Variants in HECW1 observed in about 807,000 individuals in gnomAD.
HECW1 encodes the protein E3 ubiquitin-protein ligase HECW1.
In HECW1, 61 loss-of-function variants were observed where a neutral mutation model predicts 182.3. That is an observed-to-expected ratio of 0.33 (90% CI 0.27 to 0.41). The LOEUF is 0.41. Ranked by LOEUF, HECW1 falls within the 10% of genes least tolerant of loss-of-function variation. The pLI, the probability that HECW1 is intolerant of heterozygous loss-of-function variation, is 1.00. For missense variants in HECW1, 1,739 were observed against 2,108.9 expected, an observed-to-expected ratio of 0.82 and a Z score of 3.44; for synonymous variants, 859 against 832.6, an observed-to-expected ratio of 1.03 and a Z score of -0.55.
intron 2 of HECW1, chr7:43,148,967 A>G (rs1789005155): frequency 6.6e-6 from 1 of 152,096 alleles, no homozygotes; most frequent in Non-Finnish European, 1.5e-5. Flanking sequence ...AAATGTAGGG[A>G]CAGTTCTTCC....
chr7:43,177,494 C>G lies in HECW1; in HGVS notation c.-32+63103C>G, dbSNP rs1057417937. Among the ~76,000 whole-genome samples, 4 of 152,164 alleles carry G rather than the reference C, an allele frequency of 2.6e-5. No individual in the cohort carries two copies. In the East Asian group the frequency reaches 7.7e-4, roughly 29 times the overall value. On this transcript the variant is annotated intron_variant, in intron 2 of 29. Transcript: ENST00000395891. The stretch of plus-strand genomic sequence containing the variant: ...GTGTATTCCCCACAGTCATCTTTCC[C>G]GTGCTGTCTTCCAGCCAGGGTTTGA...
rs537140172 is a variant in HECW1 at position 43,274,707 on chromosome 7, G to A, written c.27+30775G>A. 17 of 254,004 alleles carry A rather than the reference G, an allele frequency of 6.7e-5. No individual in the cohort carries two copies. The East Asian group carries it at 1.5e-3, about 22-fold the overall frequency. 15.7% of individuals were successfully genotyped at this position (254,004 alleles called of 1,614,324 possible). A position where few individuals can be genotyped will look rare whatever the true frequency, so the allele number is the denominator to read the frequency against. ...AAAATCCTATTACAAAAATAGACAC[G>A]AACTATCTCTCCATTTATTGTTTTT... On this transcript the variant is annotated intron_variant, in intron 3 of 29. Transcript: ENST00000395891.
intron 2 of HECW1, among the ~76,000 whole-genome samples, chr7:43,115,772 A>G (rs1283418552): frequency 6.6e-6 from 1 of 152,206 alleles, no homozygotes; most frequent in African/African-American, 2.4e-5. Context: ...ATATCCTGAA[A>G]TTACAGTCCC....
chr7:43,449,744 G>C (rs186285252), intron 11 of HECW1, among the ~76,000 whole-genome samples: 11 of 152,248 alleles, frequency 7.2e-5, no homozygotes, highest in South Asian at 2.1e-4. Flanking sequence ...GCCCTTAAAG[G>C]CTTTTGCAAG....
chr7:43,548,585 A>G (rs2081662125), intron 26 of HECW1, among the ~76,000 whole-genome samples: 1 of 152,224 alleles, frequency 6.6e-6, no homozygotes, highest in Non-Finnish European at 1.5e-5. Flanking sequence ...AGATTCAGCT[A>G]CTAGTGAAGA....
At chr7:43,465,093 C>T (rs955198103) in intron 14 of HECW1, among the ~76,000 whole-genome samples, 1 of 152,206 alleles carries the variant, frequency 6.6e-6, no homozygotes, top group Non-Finnish European at 1.5e-5. Context: ...CGAGACATCA[C>T]ACCTGGCCTG....
intron 8 of HECW1, among the ~76,000 whole-genome samples, chr7:43,419,845 A>G (rs1414155105): frequency 6.6e-6 from 1 of 152,224 alleles, no homozygotes; most frequent in Non-Finnish European, 1.5e-5. Context: ...GAGTACGCCG[A>G]ACAAAGGAGA....
At position 43,556,809 on chromosome 7, in the gene HECW1, A is replaced by G. The variant is rs187889529; in HGVS notation, c.4709+2019A>G. On this transcript the variant is annotated intron_variant, in intron 29 of 29. Coordinates refer to ENST00000395891, the MANE Select transcript of HECW1 (RefSeq NM_015052.5). Reference sequence around the variant, plus strand: ...GGGTCACAGATTGAATGTAATTTCCATATTTGCTTTGGAAGCTTTGAAATA... The same window carrying G: ...GGGTCACAGATTGAATGTAATTTCCGTATTTGCTTTGGAAGCTTTGAAATA... Among the ~76,000 whole-genome samples, 36 of 152,312 alleles carry G rather than the reference A, an allele frequency of 2.4e-4. No individual in the cohort carries two copies. The East Asian group carries it at 5.4e-3, about 23-fold the overall frequency.
chr7:43,326,695 A>G (rs1001449886), intron 5 of HECW1, among the ~76,000 whole-genome samples: 1 of 152,204 alleles, frequency 6.6e-6, no homozygotes, highest in African/African-American at 2.4e-5. Context: ...AAATGAACAT[A>G]TTGGTGTCTT....
chr7:43,478,640 T>C (rs2078306115), intron 16 of HECW1, among the ~76,000 whole-genome samples: 1 of 151,984 alleles, frequency 6.6e-6, no homozygotes, highest in Non-Finnish European at 1.5e-5. Flanking sequence ...GTGAAGAAAA[T>C]ATGTATATAT....
intron 2 of HECW1, among the ~76,000 whole-genome samples, chr7:43,123,391 G>A (rs770004633): frequency 6.6e-6 from 1 of 152,146 alleles, no homozygotes; most frequent in Non-Finnish European, 1.5e-5. Flanking sequence ...GTCCCTTAGG[G>A]CCAAGGCACT....
intron 3 of HECW1, among the ~76,000 whole-genome samples, chr7:43,265,671 A>C (rs1457034907): frequency 2.6e-5 from 4 of 152,188 alleles, no homozygotes; most frequent in Non-Finnish European, 5.9e-5. Flanking sequence ...CCAACAATTC[A>C]AATCAATTCT....
At chr7:43,297,199 C>T (rs1407188940) in intron 3 of HECW1, among the ~76,000 whole-genome samples, 1 of 152,182 alleles carries the variant, frequency 6.6e-6, no homozygotes, top group Non-Finnish European at 1.5e-5. Flanking sequence ...GCTTTACAAA[C>T]AATAGATATT....
intron 2 of HECW1, among the ~76,000 whole-genome samples, chr7:43,164,834 G>A (rs576709274): frequency 3.9e-5 from 6 of 152,326 alleles, no homozygotes; most frequent in African/African-American, 4.8e-5. Context: ...ATGCAGCCGC[G>A]CTTCCATGGT....
At chr7:43,495,652 T>C (rs1417799131) in intron 19 of HECW1, among the ~76,000 whole-genome samples, 1 of 152,188 alleles carries the variant, frequency 6.6e-6, no homozygotes, top group Admixed American at 6.5e-5. Context: ...ACAAGTGATC[T>C]TTAGCGTGAT....
At chr7:43,494,560 A>T (rs183463825) in intron 19 of HECW1, among the ~76,000 whole-genome samples, 258 of 150,508 alleles carry the variant, frequency 1.7e-3, no homozygotes, top group Non-Finnish European at 2.9e-3. Context: ...CTGAAGTGAG[A>T]TGGTACAATC....
chr7:43,447,195 C>A (rs189788085), intron 11 of HECW1, among the ~76,000 whole-genome samples: 3 of 151,358 alleles, frequency 2.0e-5, no homozygotes, highest in Admixed American at 2.0e-4. Flanking sequence ...AAAAAGTGTA[C>A]TGACACTTTT....
chr7:43,513,473 C>G (rs2079979961), intron 24 of HECW1, among the ~76,000 whole-genome samples: 1 of 152,160 alleles, frequency 6.6e-6, no homozygotes, highest in Non-Finnish European at 1.5e-5. Context: ...GGGTACTTGA[C>G]ATTCTGGGCT....
intron 2 of HECW1, chr7:43,241,184 C>T (rs17172177): frequency 0.038 from 5,724 of 152,326 alleles, 137 homozygotes; most frequent in South Asian, 0.068. Context: ...AGCAAGGGGC[C>T]GTGCAGATCT....
Sources: allele counts gnomAD v4.1 joint callset (sites outside exome capture counted in the v4.1 genomes callset), GRCh38; gene constraint gnomAD v4.1.1; transcripts MANE v1.5; gene names NCBI Gene and HGNC (gene_info 2026-07-23, HGNC 2026-07-21).